LIG1: variants seen among roughly 807,000 people sequenced by gnomAD.
The protein encoded by LIG1 is ligase I, DNA, ATP-dependent.
Under a neutral mutation model 115.7 loss-of-function variants are expected in LIG1, and 70 were observed. The ratio of observed to expected loss-of-function variants is 0.60; its 90% CI spans 0.50 to 0.74. The LOEUF (loss-of-function observed/expected upper bound fraction) is 0.74. Among genes scored for constraint, LIG1 ranks in the 30% least tolerant of loss-of-function variants. LIG1 has a pLI of 0.00. For missense variants in LIG1, 1,115 were observed against 1,225.6 expected (o/e 0.91, Z 1.35); for synonymous variants, 487 against 495.3 (o/e 0.98, Z 0.22).
At chr19:48,136,158 G>A (rs751490992) in intron 14 of LIG1, 33 bp from the exon 15 acceptor site, 71 of 1,487,700 alleles carry the variant, frequency 4.8e-5, no homozygotes, top group Non-Finnish European at 6.5e-5. Context: ...AAGGGGGCTT[G>A]TCTGCACCTC....
At chr19:48,143,646 C>A in intron 10 of LIG1, 47 bp from the exon 11 acceptor site, 1 of 1,523,200 alleles carries the variant, frequency 6.6e-7, no homozygotes, top group Non-Finnish European at 9.1e-7. Context: ...GCAGGCTATA[C>A]CATGCTGCCC....
Position 48,131,077 on chromosome 19 carries a change from T to G in LIG1, c.1820A>C (p.Lys607Thr). The change falls in exon 19 of 28, where the codon AAG (lysine) becomes ACG (threonine). Residue 607 changes from lysine to threonine, a missense_variant and splice_region_variant. Lys to Thr is a moderately conservative substitution (Grantham distance 78, BLOSUM62 -1). Coordinates refer to ENST00000263274, the MANE Select transcript of LIG1 (RefSeq NM_000234.3). ...KYPDIISRIP[K>T]IKLPSVTSFI... ...TGCAAGTGTGTGGCAGACGCCCACC[T>G]TGGGGATGCGGCTGATGATGTCCGG... The G allele has an allele frequency of 6.2e-7, 1 of 1,613,746 alleles. No individual in the cohort carries two copies. Among genetic ancestry groups the G allele is most frequent in the Non-Finnish European group, 8.5e-7 (1 of 1,179,618 alleles).
chr19:48,140,056 G>A lies in LIG1; in HGVS notation c.1002C>T (p.Ser334=). The change falls in exon 12 of 28, where the codon AGC becomes AGT. Residue 334 remains serine (S), a synonymous_variant. Coordinates refer to ENST00000263274, the MANE Select transcript of LIG1 (RefSeq NM_000234.3). ...PPDLLPVLYL[S]LNHLGPPQQG... ...GCTGGGGTGGCCCAAGGTGGTTGAG[G>A]CTGAGGTAGAGGACAGGGAGGAGGT... 1 of 1,614,098 alleles carries A rather than the reference G, an allele frequency of 6.2e-7. No individual in the cohort carries two copies. Among genetic ancestry groups the A allele is most frequent in the Non-Finnish European group, 8.5e-7 (1 of 1,180,042 alleles).
chr19:48,135,614 G>A, intron 16 of LIG1, 66 bp downstream of exon 16: 1 of 1,293,724 alleles, frequency 7.7e-7, no homozygotes, highest in Non-Finnish European at 1.1e-6. Flanking sequence ...TGCTCCTCTG[G>A]CTCCACCCCC....
In LIG1 at chr19:48,122,899, G is replaced by A; in HGVS notation, c.2232+35C>T. ...TAGCTGGGACAGACCTCCAGACCCG[G>A]GGTGGAGAAGGCCCAGTTGGGGGTC... On this transcript the variant is annotated intron_variant, in intron 23 of 27. Coordinates refer to ENST00000263274, the MANE Select transcript of LIG1 (RefSeq NM_000234.3). The surrounding 1 kb of genome is among the most constrained non-coding windows in gnomAD (Gnocchi z 4.3). 1.3e-6 allele frequency: 2 copies of A among 1,596,506 alleles called. No individual in the cohort carries two copies. Among genetic ancestry groups the A allele is most frequent in the Admixed American group, 3.3e-5 (2 of 59,934 alleles).
At position 48,133,051 on chromosome 19, in the gene LIG1, G is replaced by A. The variant is rs747869805; in HGVS notation, c.1656C>T (p.Ser552=). The A allele has an allele frequency of 1.3e-5, 21 of 1,613,972 alleles. No individual in the cohort carries two copies. Among genetic ancestry groups the A allele is most frequent in the East Asian group, 2.2e-5 (1 of 44,886 alleles). Reference sequence around the variant, plus strand: ...CCTCCTCAAAGCGTTTCAGGACCTCGCTGATGCCCCGGGTGGGATGGGCCA... The same window carrying A: ...CCTCCTCAAAGCGTTTCAGGACCTCACTGATGCCCCGGGTGGGATGGGCCA... ...PMLAHPTRGI[S]EVLKRFEEAA... is the part of the protein sequence containing the mutation. Residue 552 remains serine (S), a synonymous_variant, in exon 18 of 28, where the codon AGC becomes AGT. Transcript: ENST00000263274.
intron 21 of LIG1, among the ~76,000 whole-genome samples, chr19:48,126,056 A>G (rs1429674938): frequency 1.3e-5 from 2 of 151,002 alleles, no homozygotes; most frequent in East Asian, 3.9e-4. Context: ...GAGAGCTTCC[A>G]TGTACTAACT....
chr19:48,161,336 C>A, intron 4 of LIG1, 36 bp downstream of exon 4: 1 of 1,614,030 alleles, frequency 6.2e-7, no homozygotes, highest in Non-Finnish European at 8.5e-7. Context: ...GAATTAGTTT[C>A]TTCTGGTAAA....
intron 19 of LIG1, among the ~76,000 whole-genome samples, chr19:48,130,868 G>T (rs1323785912): frequency 6.6e-6 from 1 of 152,174 alleles, no homozygotes; most frequent in South Asian, 2.1e-4. Context: ...CAGCCAAGTC[G>T]GTGCTGGGGT....
At position 48,151,293 on chromosome 19, in the gene LIG1, TG is replaced by T; in HGVS notation, c.512del (p.Thr171LysfsTer18). ...KESLTEAEVA[T>X]EKEGEDGDQP... ...GGTCCCCGTCTTCTCCTTCCTTCTC[TG>T]TGGCCACTTCAGCCTCTGTGAGGCT... is the stretch of plus-strand genomic sequence containing the variant. On this transcript the variant is annotated frameshift_variant, in exon 7 of 28. Coordinates refer to ENST00000263274, the MANE Select transcript of LIG1 (RefSeq NM_000234.3). LOFTEE classifies it high-confidence loss of function. 6.2e-7 allele frequency: 1 copy of T among 1,613,932 alleles called. No individual in the cohort carries two copies. Among genetic ancestry groups the T allele is most frequent in the South Asian group, 1.1e-5 (1 of 91,062 alleles).
intron 9 of LIG1, among the ~76,000 whole-genome samples, chr19:48,147,908 G>A (rs1340820696): frequency 6.6e-6 from 1 of 152,164 alleles, no homozygotes; most frequent in Admixed American, 6.5e-5. Flanking sequence ...CCAGTGCTGG[G>A]AGCTAGGCAA....
rs1390372161 is a variant in LIG1, at chr19:48,123,698, G to C, written c.2005-380C>G. On this transcript the variant is annotated intron_variant, in intron 21 of 27. Transcript: ENST00000263274. ...GGTGGTGCGATCTTGGCTGACTGCA[G>C]CCTCCGCCTCCTGAATTCAAGCGAC... 4.4e-5 allele frequency: 14 copies of C among 319,862 alleles called. 1 individual carries two copies. Among genetic ancestry groups the C allele is most frequent in the South Asian group, 3.4e-4 (12 of 35,608 alleles). The allele number at this position is 319,862 out of a possible 1,614,324, so 19.8% of individuals were successfully genotyped here.
At position 48,161,380 on chromosome 19, in the gene LIG1, T is replaced by C. The variant is rs775564408; in HGVS notation, c.235A>G (p.Lys79Glu). The C allele has an allele frequency of 2.5e-6, 4 of 1,614,192 alleles. No homozygotes were observed. Among genetic ancestry groups the C allele is most frequent in the South Asian group, 1.1e-5 (1 of 91,078 alleles). ...EEEDEALSPA[K>E]GQKPALDCSQ... Reference sequence around the variant, plus strand: ...GGGTGATGGGGACCTACCTGGCCTTTAGCAGGGCTAAGGGCTTCATCCTCC... The same window carrying C: ...GGGTGATGGGGACCTACCTGGCCTTCAGCAGGGCTAAGGGCTTCATCCTCC... Residue 79 changes from lysine to glutamate, a missense_variant, in exon 4 of 28, where the codon AAA (lysine) becomes GAA (glutamate). By Grantham distance (56) the Lys-to-Glu change is moderately conservative. Coordinates refer to ENST00000263274, the MANE Select transcript of LIG1 (RefSeq NM_000234.3).
In LIG1 at chr19:48,117,580, C is replaced by G. The variant is rs866467703; in HGVS notation, c.2583+58G>C. ...GCCAAGGTCCCCTCCCTACTCTGCT[C>G]TCTGTGTGCCCGCCCAGAATCCCAC... is the stretch of plus-strand genomic sequence containing the variant. On this transcript the variant is annotated intron_variant, in intron 26 of 27. Transcript: ENST00000263274. 1.1e-5 allele frequency: 18 copies of G among 1,590,116 alleles called. 1 individual carries two copies. The South Asian group carries it at 1.5e-4, about 13-fold the overall frequency.
chr19:48,119,993 G>C (rs1158543069), intron 24 of LIG1, among the ~76,000 whole-genome samples: 2 of 152,238 alleles, frequency 1.3e-5, no homozygotes, highest in Non-Finnish European at 2.9e-5. Flanking sequence ...CTTTTGCATT[G>C]AGAGTCTTAA....
At chr19:48,126,761 TGAATAGACACAAGGTC>T (rs1568487673) in intron 21 of LIG1, among the ~76,000 whole-genome samples, 7 of 149,004 alleles carry the variant, frequency 4.7e-5, no homozygotes, top group Non-Finnish European at 4.5e-5. Context: ...TTTTTTTTTT[TGAATAGACACAAGGTC>T]TTTTCTATAT....
intron 9 of LIG1, among the ~76,000 whole-genome samples, chr19:48,145,502 G>T (rs573634628): frequency 1.1e-4 from 17 of 152,252 alleles, no homozygotes; most frequent in Admixed American, 9.8e-4. Context: ...GGGTTGGGGG[G>T]GAGAAAGAGA....
chr19:48,148,317 T>C (rs2035253582), intron 9 of LIG1, among the ~76,000 whole-genome samples: 2 of 151,998 alleles, frequency 1.3e-5, no homozygotes, highest in South Asian at 4.2e-4. Flanking sequence ...CTACTAAAAA[T>C]ACAAAAATTA....
At chr19:48,124,732 T>C (rs1052192521) in intron 21 of LIG1, among the ~76,000 whole-genome samples, 2 of 152,234 alleles carry the variant, frequency 1.3e-5, no homozygotes, top group Non-Finnish European at 2.9e-5. Context: ...ATTAGAAATG[T>C]AGGCTACTGC....
Sources: gnomAD v4.1 joint callset for allele counts (sites outside exome capture counted in the v4.1 genomes callset) on GRCh38, gnomAD v4.1.1 for gene constraint, Gnocchi (gnomAD v3.1) non-coding constraint, MANE v1.5 for transcripts, NCBI Gene and HGNC (gene_info 2026-07-23, HGNC 2026-07-21) for gene names.